CNTN6: variants seen among roughly 807,000 people sequenced by gnomAD.
CNTN6 encodes the protein contactin-6.
In CNTN6, 137 loss-of-function variants were observed where a neutral mutation model predicts 122.8. The ratio of observed to expected loss-of-function variants is 1.12; its 90% CI spans 0.97 to 1.29. The LOEUF (loss-of-function observed/expected upper bound fraction) is 1.29. Ranked by LOEUF, CNTN6 falls within the 50% of genes most tolerant of loss-of-function variation. The probability of loss-of-function intolerance (pLI) is 0.00; values close to 1 mark genes in which losing one functional copy is unlikely to be tolerated. For missense variants in CNTN6, 1,634 were observed against 1,223.4 expected (o/e 1.34, Z -5.01); for synonymous variants, 570 against 426.0 (o/e 1.34, Z -4.16).
intron 11 of CNTN6, 140 bp downstream of exon 11, chr3:1,330,075 T>A (rs1702084591): frequency 1.9e-6 from 1 of 524,670 alleles, no homozygotes; most frequent in Non-Finnish European, 3.1e-6. Context: ...AGCATTCTTC[T>A]CATCATAGTA....
chr3:1,390,267 C>A (rs531080268), intron 20 of CNTN6, among the ~76,000 whole-genome samples: 1 of 151,934 alleles, frequency 6.6e-6, no homozygotes, highest in Non-Finnish European at 1.5e-5. Flanking sequence ...CACTCAAAAC[C>A]GCTCAACTAC....
chr3:1,191,995 T>C (rs928076762), intron 2 of CNTN6, among the ~76,000 whole-genome samples: 18 of 152,208 alleles, frequency 1.2e-4, no homozygotes, highest in Non-Finnish European at 2.9e-5. Flanking sequence ...GAGCCTCATT[T>C]TGACACCTAC....
intron 1 of CNTN6, among the ~76,000 whole-genome samples, chr3:1,127,913 A>G (rs1284098605): frequency 1.3e-5 from 2 of 151,930 alleles, no homozygotes; most frequent in Non-Finnish European, 1.5e-5. Context: ...ACAGAAGCCT[A>G]TGAGATATAG....
chr3:1,177,450 A>C (rs2093472241), intron 2 of CNTN6, among the ~76,000 whole-genome samples: 1 of 152,106 alleles, frequency 6.6e-6, no homozygotes, highest in Non-Finnish European at 1.5e-5. Flanking sequence ...TTTAAATTGT[A>C]TTTTTGTCTT....
At chr3:1,368,837 G>C (rs564428872) in intron 12 of CNTN6, among the ~76,000 whole-genome samples, 4 of 151,958 alleles carry the variant, frequency 2.6e-5, no homozygotes, top group Non-Finnish European at 5.9e-5. Flanking sequence ...ATTTTAAAGC[G>C]AAAAGCTTTG....
At chr3:1,209,201 A>C (rs1306007997) in intron 2 of CNTN6, among the ~76,000 whole-genome samples, 2 of 152,176 alleles carry the variant, frequency 1.3e-5, no homozygotes, top group Non-Finnish European at 2.9e-5. Context: ...CTGGACTGAA[A>C]TACTTCATAT....
chr3:1,317,169 G>A (rs976553022), intron 7 of CNTN6, among the ~76,000 whole-genome samples: 6 of 151,332 alleles, frequency 4.0e-5, no homozygotes, highest in Non-Finnish European at 5.9e-5. Flanking sequence ...GACTATTGCC[G>A]CAAAATGCAT....
At chr3:1,204,863 A>G (rs1296019828) in intron 2 of CNTN6, among the ~76,000 whole-genome samples, 2 of 152,086 alleles carry the variant, frequency 1.3e-5, no homozygotes, top group East Asian at 3.9e-4. Context: ...CTCCCATATG[A>G]TGGATGGGGT....
intron 7 of CNTN6, among the ~76,000 whole-genome samples, chr3:1,301,130 C>T (rs922854436): frequency 6.1e-5 from 9 of 147,550 alleles, no homozygotes; most frequent in African/African-American, 1.5e-4. Context: ...TCCGCGTCCC[C>T]GGTTCAAGTG....
chr3:1,313,972 A>G (rs966109465), intron 7 of CNTN6, among the ~76,000 whole-genome samples: 18 of 152,044 alleles, frequency 1.2e-4, no homozygotes, highest in Non-Finnish European at 1.5e-5. Context: ...TCTTCATGTC[A>G]TAGTCCCACC....
chr3:1,252,854 C>T (rs549042457), intron 4 of CNTN6, among the ~76,000 whole-genome samples: 1 of 152,234 alleles, frequency 6.6e-6, no homozygotes, highest in South Asian at 2.1e-4. Context: ...AACCTTCAGG[C>T]TGGGCCACTG....
At chr3:1,238,709 A>G (rs892169770) in intron 4 of CNTN6, among the ~76,000 whole-genome samples, 2 of 152,216 alleles carry the variant, frequency 1.3e-5, no homozygotes, top group African/African-American at 2.4e-5. Flanking sequence ...AAGTCTCAGG[A>G]AATTTAAGAA....
Position 1,174,557 on chromosome 3 carries a change from C to G in CNTN6, c.55+26494C>G, listed in dbSNP as rs537646436. ...GAAATGACAGCCACTGAATCCATCT[C>G]TCTTTCTCTTTTCTGCATTTAAAAT... On this transcript the variant is annotated intron_variant, in intron 2 of 22. Coordinates refer to ENST00000446702, the MANE Select transcript of CNTN6 (RefSeq NM_001289080.2). 3.9e-5 allele frequency among the ~76,000 whole-genome samples: 6 copies of G among 152,274 alleles called. No homozygotes were observed. The South Asian group carries it at 1.2e-3, about 32-fold the overall frequency.
chr3:1,243,414 C>A (rs537456800), intron 4 of CNTN6, among the ~76,000 whole-genome samples: 1 of 152,172 alleles, frequency 6.6e-6, no homozygotes, highest in South Asian at 2.1e-4. Context: ...TTATTGTACA[C>A]CTTGAAGACG....
chr3:1,267,779 C>T (rs911477696), intron 4 of CNTN6, among the ~76,000 whole-genome samples: 1 of 152,004 alleles, frequency 6.6e-6, no homozygotes, highest in Non-Finnish European at 1.5e-5. Context: ...ATGAATTCAA[C>T]AAGCTGATCT....
Position 1,321,788 on chromosome 3 carries a change from C to A in CNTN6, c.900C>A (p.Ser300Arg), listed in dbSNP as rs776546906. The A allele has an allele frequency of 1.9e-6, 3 of 1,610,708 alleles. No homozygotes were observed. Among genetic ancestry groups the A allele is most frequent in the Non-Finnish European group, 2.5e-6 (3 of 1,178,184 alleles). ...AAGGCTTTTATGAGTGCATTGCAAGCAACCTTCGAGGAAGAAACCTTGCAA... is the reference window on the plus strand; with the variant it reads ...AAGGCTTTTATGAGTGCATTGCAAGAAACCTTCGAGGAAGAAACCTTGCAA... ...EDEGFYECIA[S>R]NLRGRNLAKG... Residue 300 changes from serine (S) to arginine (R), a missense_variant, in exon 8 of 23, where the codon AGC (serine) becomes AGA (arginine). Ser to Arg is a moderately radical substitution (Grantham distance 110). Transcript: ENST00000446702.
At chr3:1,349,822 A>G (rs990741250) in intron 11 of CNTN6, among the ~76,000 whole-genome samples, 1 of 151,792 alleles carries the variant, frequency 6.6e-6, no homozygotes, top group Non-Finnish European at 1.5e-5. Flanking sequence ...TTTTTTTACC[A>G]TATTTTAATA....
In CNTN6 at chr3:1,248,776, T is replaced by C. The variant is rs189057628; in HGVS notation, c.358+20783T>C. ...CGGAGGTTGCAGTGAGCTGAGATCGTGCCATTGCACTCCAGCCTGGGCGAC... is the reference window on the plus strand; with the variant it reads ...CGGAGGTTGCAGTGAGCTGAGATCGCGCCATTGCACTCCAGCCTGGGCGAC... On this transcript the variant is annotated intron_variant, in intron 4 of 22. Transcript: ENST00000446702. 3.8e-4 allele frequency among the ~76,000 whole-genome samples: 57 copies of C among 151,982 alleles called. 2 individuals carry two copies. In the East Asian group the frequency reaches 9.6e-3, roughly 25 times the overall value.
intron 12 of CNTN6, 133 bp from the exon 13 acceptor site, chr3:1,372,166 A>G: frequency 1.8e-6 from 1 of 552,546 alleles, no homozygotes; most frequent in South Asian, 3.5e-5. Flanking sequence ...GGAATATTTC[A>G]TACTGGACAT....
Sources: allele counts gnomAD v4.1 joint callset (sites outside exome capture counted in the v4.1 genomes callset), GRCh38; gene constraint gnomAD v4.1.1; transcripts MANE v1.5; gene names NCBI Gene and HGNC (gene_info 2026-07-23, HGNC 2026-07-21).